ATXN1: variants seen among roughly 807,000 people sequenced by gnomAD.
ATXN1 encodes the protein ataxin-1.
Under a neutral mutation model 56.4 loss-of-function variants are expected in ATXN1, and 8 were observed. That is an observed-to-expected ratio of 0.14 (90% CI 0.08 to 0.26). ATXN1 has a LOEUF of 0.26. ATXN1 is among the 10% of genes least tolerant of loss of function. The pLI is 1.00. For synonymous variants in ATXN1, 514 were observed against 494.6 expected (o/e 1.04, Z -0.52); for missense variants, 987 against 1,106.5 (o/e 0.89, Z 1.53).
intron 5 of ATXN1, among the ~76,000 whole-genome samples, chr6:16,510,842 C>T (rs1761070495): frequency 6.6e-6 from 1 of 152,178 alleles, no homozygotes; most frequent in Non-Finnish European, 1.5e-5. Context: ...GTCACCTTGG[C>T]CAACCAAATA....
chr6:16,337,875 G>C (rs2113433870), intron 6 of ATXN1, among the ~76,000 whole-genome samples: 1 of 152,268 alleles, frequency 6.6e-6, no homozygotes, highest in Middle Eastern at 3.4e-3. Context: ...AAGATGAAAA[G>C]TATTGGCCAA....
chr6:16,432,218 G>GA (rs556744288), intron 6 of ATXN1, among the ~76,000 whole-genome samples: 15 of 152,258 alleles, frequency 9.9e-5, no homozygotes, highest in African/African-American at 3.6e-4. Flanking sequence ...AAACCGCATG[G>GA]AAAATCACAA....
At chr6:16,342,576 T>C (rs1050400014) in intron 6 of ATXN1, among the ~76,000 whole-genome samples, 3 of 152,222 alleles carry the variant, frequency 2.0e-5, no homozygotes, top group African/African-American at 7.2e-5. Context: ...CCCGTGTTCA[T>C]AGCAGCATTG....
At chr6:16,602,821 T>C (rs1289791014) in intron 3 of ATXN1, among the ~76,000 whole-genome samples, 1 of 152,204 alleles carries the variant, frequency 6.6e-6, no homozygotes, top group Non-Finnish European at 1.5e-5. Flanking sequence ...TTTTGCTTCC[T>C]ATGAAGGCTT....
chr6:16,673,595 A>G (rs1758591450), intron 2 of ATXN1, among the ~76,000 whole-genome samples: 1 of 152,120 alleles, frequency 6.6e-6, no homozygotes, highest in Non-Finnish European at 1.5e-5. Flanking sequence ...GAGGCAGAGG[A>G]CTGTTTGGTG....
intron 6 of ATXN1, among the ~76,000 whole-genome samples, chr6:16,370,724 A>G (rs577232785): frequency 6.6e-6 from 1 of 152,370 alleles, no homozygotes; most frequent in African/African-American, 2.4e-5. Flanking sequence ...AATTCTGAAT[A>G]TATAATTTTG....
At chr6:16,340,130 T>C (rs1199266369) in intron 6 of ATXN1, among the ~76,000 whole-genome samples, 1 of 152,222 alleles carries the variant, frequency 6.6e-6, no homozygotes, top group East Asian at 1.9e-4. Flanking sequence ...TGCCCCCACC[T>C]GTGGGGAGGT....
At chr6:16,640,215 A>T (rs1763683335) in intron 3 of ATXN1, among the ~76,000 whole-genome samples, 2 of 152,134 alleles carry the variant, frequency 1.3e-5, no homozygotes, top group Admixed American at 6.6e-5. Context: ...TGTTATGGTG[A>T]TCTGAGATCA....
chr6:16,402,472 G>C (rs1001176606), intron 6 of ATXN1, among the ~76,000 whole-genome samples: 1 of 151,884 alleles, frequency 6.6e-6, no homozygotes, highest in African/African-American at 2.4e-5. Context: ...CTGGCTTATA[G>C]CAATTTTCCA....
chr6:16,508,654 C>CT (rs1761024385), intron 5 of ATXN1, among the ~76,000 whole-genome samples: 1 of 152,276 alleles, frequency 6.6e-6, no homozygotes, highest in South Asian at 2.1e-4. Flanking sequence ...GAAACTGGAA[C>CT]CCTTGTGCAC....
chr6:16,646,901 GTAAC>G (rs1383991825), intron 3 of ATXN1, among the ~76,000 whole-genome samples: 1 of 152,210 alleles, frequency 6.6e-6, no homozygotes, highest in Admixed American at 6.5e-5. Flanking sequence ...CACAAACTGA[GTAAC>G]TAACGAAATT....
chr6:16,363,798 C>T lies in ATXN1; in HGVS notation c.-160-35328G>A, dbSNP rs1030112532. Among the ~76,000 whole-genome samples the T allele has an allele frequency of 6.4e-4, 97 of 152,250 alleles. 1 individual carries two copies. Among genetic ancestry groups the T allele is most frequent in the Non-Finnish European group, 2.5e-4 (17 of 68,016 alleles). On this transcript the variant is annotated intron_variant, in intron 6 of 7. Coordinates refer to ENST00000436367, the MANE Select transcript of ATXN1 (RefSeq NM_001128164.2). ...GTCAGGAGTGAGTTAGTAAGCATTT[C>T]GTTTCATCCCCAGTAAAGGGTAAGA...
At chr6:16,689,713 C>A (rs1406412478) in intron 2 of ATXN1, among the ~76,000 whole-genome samples, 1 of 151,912 alleles carries the variant, frequency 6.6e-6, no homozygotes, top group Non-Finnish European at 1.5e-5. Context: ...TTATATTAAG[C>A]TGATTAATAT....
Position 16,582,749 on chromosome 6 carries a change from C to T in ATXN1, c.-361+3031G>A, listed in dbSNP as rs148725857. ...GAAATTTATTCTGGTAAGCCCTTGA[C>T]AACCAACACGTCTGCATTTCTGCAC... On this transcript the variant is annotated intron_variant, in intron 4 of 7. Transcript: ENST00000436367. 9.8e-5 allele frequency among the ~76,000 whole-genome samples: 15 copies of T among 152,302 alleles called. No homozygotes were observed. In the East Asian group the frequency reaches 2.7e-3, roughly 27 times the overall value.
Position 16,605,821 on chromosome 6 carries a change from G to A in ATXN1, c.-488-19914C>T, listed in dbSNP as rs144649705. ...TTGCCGGGTCTATATTCCCTTAACCGTAAAATGGCCAAGATAACGATACTG... is the reference window on the plus strand; with the variant it reads ...TTGCCGGGTCTATATTCCCTTAACCATAAAATGGCCAAGATAACGATACTG... On this transcript the variant is annotated intron_variant, in intron 3 of 7. Transcript: ENST00000436367. Among the ~76,000 whole-genome samples, 619 of 152,220 alleles carry A rather than the reference G, an allele frequency of 4.1e-3. 8 individuals carry two copies. Among genetic ancestry groups the A allele is most frequent in the African/African-American group, 0.014 (586 of 41,536 alleles).
chr6:16,596,342 C>A (rs1479856405), intron 3 of ATXN1, among the ~76,000 whole-genome samples: 1 of 152,142 alleles, frequency 6.6e-6, no homozygotes, highest in African/African-American at 2.4e-5. Flanking sequence ...ACAAAGTGAG[C>A]TGATTTGCAT....
intron 6 of ATXN1, among the ~76,000 whole-genome samples, chr6:16,431,057 C>T (rs773788783): frequency 4.6e-5 from 7 of 151,902 alleles, no homozygotes; most frequent in Non-Finnish European, 7.4e-5. Context: ...TGCACATGTA[C>T]GGTATCAGAG....
intron 7 of ATXN1, among the ~76,000 whole-genome samples, chr6:16,325,116 C>A (rs1298649036): frequency 1.6e-5 from 2 of 123,870 alleles, no homozygotes; most frequent in African/African-American, 2.9e-5. Flanking sequence ...TGCCTTCCAT[C>A]TGTTTTTTTT....
intron 5 of ATXN1, among the ~76,000 whole-genome samples, chr6:16,514,387 C>G (rs572358844): frequency 6.6e-6 from 1 of 152,112 alleles, no homozygotes; most frequent in Non-Finnish European, 1.5e-5. Context: ...CGTCTGAGAG[C>G]GAGGCACACC....
Sources: gnomAD v4.1 joint callset for allele counts (sites outside exome capture counted in the v4.1 genomes callset) on GRCh38, gnomAD v4.1.1 for gene constraint, MANE v1.5 for transcripts, NCBI Gene and HGNC (gene_info 2026-07-23, HGNC 2026-07-21) for gene names.